CNTNAP2: variants seen among roughly 807,000 people sequenced by gnomAD.
The protein encoded by CNTNAP2 is contactin associated protein 2.
Under a neutral mutation model 155.2 loss-of-function variants are expected in CNTNAP2, and 98 were observed. That is an observed-to-expected ratio of 0.63 (90% CI 0.54 to 0.75). The LOEUF (loss-of-function observed/expected upper bound fraction) is 0.75. CNTNAP2 is among the 30% of genes least tolerant of loss of function. The probability of loss-of-function intolerance (pLI) is 0.00; values close to 1 mark genes in which losing one functional copy is unlikely to be tolerated. For synonymous variants in CNTNAP2, 651 were observed against 631.2 expected, an observed-to-expected ratio of 1.03 and a Z score of -0.47; for missense variants, 1,727 against 1,688.1, an observed-to-expected ratio of 1.02 and a Z score of -0.40.
At chr7:147,677,000 A>G (rs1475125902) in intron 13 of CNTNAP2, among the ~76,000 whole-genome samples, 1 of 151,894 alleles carries the variant, frequency 6.6e-6, no homozygotes, top group East Asian at 1.9e-4. Flanking sequence ...TTTGACATAC[A>G]GATTTCATTT....
At chr7:146,555,558 T>G (rs1180876877) in intron 1 of CNTNAP2, among the ~76,000 whole-genome samples, 3 of 152,096 alleles carry the variant, frequency 2.0e-5, no homozygotes, top group Non-Finnish European at 2.9e-5. Context: ...TCTATCACTT[T>G]TCAACACCTA....
At position 147,002,965 on chromosome 7, in the gene CNTNAP2, AAAG is replaced by A. The variant is rs1313192859; in HGVS notation, c.403-40935_403-40933del. 1.1e-4 allele frequency among the ~76,000 whole-genome samples: 16 copies of A among 150,882 alleles called. No individual in the cohort carries two copies. The East Asian group carries it at 1.6e-3, about 15-fold the overall frequency. On this transcript the variant is annotated intron_variant, in intron 3 of 23. Coordinates refer to ENST00000361727, the MANE Select transcript of CNTNAP2 (RefSeq NM_014141.6). Reference sequence around the variant, plus strand: ...CTTCCAAAAAAAAAAAAAAAAAAAAAAAGAAGAAGCAGCAAACTGGAAAAGAAG... The same window carrying A: ...CTTCCAAAAAAAAAAAAAAAAAAAAAAAGAAGCAGCAAACTGGAAAAGAAG...
chr7:148,404,674 T>C (rs1289870091), intron 22 of CNTNAP2, among the ~76,000 whole-genome samples: 3 of 152,278 alleles, frequency 2.0e-5, no homozygotes, highest in East Asian at 3.9e-4. Flanking sequence ...AACCAGCTCA[T>C]TGGAGACAGG....
chr7:147,205,145 A>G (rs1802996543), intron 8 of CNTNAP2, among the ~76,000 whole-genome samples: 1 of 152,136 alleles, frequency 6.6e-6, no homozygotes, highest in African/African-American at 2.4e-5. Flanking sequence ...ACATGAATGA[A>G]TTGGATAGTG....
chr7:146,294,271 A>G (rs1423719074), intron 1 of CNTNAP2, among the ~76,000 whole-genome samples: 1 of 152,248 alleles, frequency 6.6e-6, no homozygotes, highest in Non-Finnish European at 1.5e-5. Context: ...CAATATGCCC[A>G]GAACCCAGAA....
intron 3 of CNTNAP2, among the ~76,000 whole-genome samples, chr7:146,897,985 G>A (rs574591736): frequency 7.5e-4 from 114 of 151,908 alleles, no homozygotes; most frequent in African/African-American, 2.7e-3. Context: ...GTTTACAAAT[G>A]GTTTGTGATA....
At chr7:147,943,672 G>T (rs1487164438) in intron 14 of CNTNAP2, among the ~76,000 whole-genome samples, 1 of 148,522 alleles carries the variant, frequency 6.7e-6, no homozygotes, top group African/African-American at 2.5e-5. Context: ...GGGAGGCTGA[G>T]CCAGGAGAAT....
At chr7:147,860,907 A>G (rs1799123768) in intron 13 of CNTNAP2, among the ~76,000 whole-genome samples, 1 of 152,238 alleles carries the variant, frequency 6.6e-6, no homozygotes, top group Non-Finnish European at 1.5e-5. Context: ...CTTTAAGATG[A>G]TGACAAAGGG....
intron 4 of CNTNAP2, among the ~76,000 whole-genome samples, chr7:147,073,785 A>T (rs1166870362): frequency 6.6e-6 from 1 of 152,140 alleles, no homozygotes; most frequent in Non-Finnish European, 1.5e-5. Context: ...TGTCCAGGAA[A>T]TTAGTAAAAT....
At chr7:146,776,902 A>G (rs930019832) in intron 2 of CNTNAP2, among the ~76,000 whole-genome samples, 1 of 152,122 alleles carries the variant, frequency 6.6e-6, no homozygotes, top group Non-Finnish European at 1.5e-5. Flanking sequence ...TAACTTGGAC[A>G]CTTGGATTTG....
At chr7:147,992,480 A>G (rs1801729337) in intron 15 of CNTNAP2, among the ~76,000 whole-genome samples, 1 of 152,146 alleles carries the variant, frequency 6.6e-6, no homozygotes, top group African/African-American at 2.4e-5. Flanking sequence ...GAAATAGTGC[A>G]TTTGAACTGG....
chr7:146,843,568 G>A (rs1299961961), intron 3 of CNTNAP2, among the ~76,000 whole-genome samples: 1 of 133,142 alleles, frequency 7.5e-6, no homozygotes, highest in Non-Finnish European at 1.6e-5. Flanking sequence ...AATAATCTGT[G>A]ACAGAAATGT....
intron 1 of CNTNAP2, among the ~76,000 whole-genome samples, chr7:146,369,336 G>T (rs547891719): frequency 6.6e-6 from 1 of 152,094 alleles, no homozygotes; most frequent in Non-Finnish European, 1.5e-5. Flanking sequence ...GGACATTTAG[G>T]AATGTTTTGA....
In CNTNAP2 at chr7:146,602,647, A is replaced by G. The variant is rs1798968836; in HGVS notation, c.98-171624A>G. 2.0e-5 allele frequency among the ~76,000 whole-genome samples: 3 copies of G among 152,242 alleles called. No homozygotes were observed. The South Asian group carries it at 6.2e-4, about 31-fold the overall frequency. ...ACTACGTTGCCCTTGATACTAGTTAAAATTAAATTTTTTACTGATTGGAAA... is the reference window on the plus strand; with the variant it reads ...ACTACGTTGCCCTTGATACTAGTTAGAATTAAATTTTTTACTGATTGGAAA... On this transcript the variant is annotated intron_variant, in intron 1 of 23. Transcript: ENST00000361727.
intron 13 of CNTNAP2, among the ~76,000 whole-genome samples, chr7:147,861,999 C>CAAAAAAAAAAAAAAA (rs57139075): frequency 6.0e-4 from 57 of 94,956 alleles, no homozygotes; most frequent in Non-Finnish European, 8.3e-4. Context: ...CTCCATCTCA[C>CAAAAAAAAAAAAAAA]AAAAAAAAAA....
At chr7:147,083,997 A>G (rs1800211689) in intron 4 of CNTNAP2, among the ~76,000 whole-genome samples, 1 of 131,534 alleles carries the variant, frequency 7.6e-6, no homozygotes, top group Non-Finnish European at 1.5e-5. Context: ...TATATATAAT[A>G]CATATATACA....
At chr7:148,213,505 T>A (rs550999611) in intron 18 of CNTNAP2, among the ~76,000 whole-genome samples, 1 of 152,164 alleles carries the variant, frequency 6.6e-6, no homozygotes, top group Non-Finnish European at 1.5e-5. Flanking sequence ...CTGGTATGCG[T>A]GTCTTCTCTT....
chr7:148,055,625 A>G (rs931431761), intron 15 of CNTNAP2, among the ~76,000 whole-genome samples: 3 of 152,210 alleles, frequency 2.0e-5, no homozygotes, highest in African/African-American at 7.2e-5. Flanking sequence ...TACATCTATT[A>G]TTATGTTTAT....
chr7:148,221,599 A>C (rs1045687898), intron 19 of CNTNAP2, among the ~76,000 whole-genome samples: 1 of 152,222 alleles, frequency 6.6e-6, no homozygotes, highest in African/African-American at 2.4e-5. Flanking sequence ...TAGAAAAAAA[A>C]GGAAATCATT....
Sources: allele counts gnomAD v4.1 joint callset (sites outside exome capture counted in the v4.1 genomes callset), GRCh38; gene constraint gnomAD v4.1.1; transcripts MANE v1.5; gene names NCBI Gene and HGNC (gene_info 2026-07-23, HGNC 2026-07-21).